Variants in APLF observed in about 807,000 individuals in gnomAD.
The protein encoded by APLF is aprataxin and PNKP like factor.
APLF carries 61 observed loss-of-function variants against 55.6 expected under a neutral mutation model. The observed-to-expected ratio is 1.10, with a 90% CI of 0.89 to 1.36. APLF has a LOEUF of 1.36. Ranked by LOEUF, APLF falls within the 40% of genes most tolerant of loss-of-function variation. The pLI, the probability that APLF is intolerant of heterozygous loss-of-function variation, is 0.00. For synonymous variants in APLF, 207 were observed against 214.8 expected (o/e 0.96, Z 0.32); for missense variants, 611 against 602.5 (o/e 1.01, Z -0.15).
chr2:68,562,299 T>G (rs2104056192), intron 8 of APLF, among the ~76,000 whole-genome samples: 1 of 152,196 alleles, frequency 6.6e-6, no homozygotes, highest in South Asian at 2.1e-4. Context: ...ATGTGTAAGC[T>G]TAATTTAAAA....
In APLF at chr2:68,480,160, C is replaced by T. The variant is rs139499651; in HGVS notation, c.97-10030C>T. Among the ~76,000 whole-genome samples the T allele has an allele frequency of 6.5e-3, 982 of 152,092 alleles. 7 individuals are homozygous for T. Among genetic ancestry groups the T allele is most frequent in the African/African-American group, 0.023 (935 of 41,482 alleles). ...CCTAACCCCCATATTGTTAAAGTAT[C>T]CTGTAAGTTTATTGAATTTGTTTAT... On this transcript the variant is annotated intron_variant, in intron 1 of 9. Transcript: ENST00000303795.
At chr2:68,501,056 T>G (rs540434984) in intron 2 of APLF, among the ~76,000 whole-genome samples, 14 of 152,356 alleles carry the variant, frequency 9.2e-5, no homozygotes, top group Middle Eastern at 3.4e-3. Context: ...ATCTCCATTC[T>G]TATGCAATCT....
At chr2:68,473,719 G>C (rs113431956) in intron 1 of APLF, among the ~76,000 whole-genome samples, 2,065 of 152,220 alleles carry the variant, frequency 0.014, 41 homozygotes, top group African/African-American at 0.046. Context: ...TAATAGATGT[G>C]AGGTAAATCA....
At chr2:68,519,129 A>G in intron 5 of APLF, among the ~76,000 whole-genome samples, 1 of 127,888 alleles carries the variant, frequency 7.8e-6, no homozygotes, top group African/African-American at 3.3e-5. Flanking sequence ...AAAACATATA[A>G]TTTGACATTT....
Position 68,529,172 on chromosome 2 carries a change from C to G in APLF, c.804+2930C>G, listed in dbSNP as rs559100632. ...CACGGGTTTCTTCCTTGAGGGGGGG[C>G]TCCAGACAACAGGAGGCAGGACCCT... On this transcript the variant is annotated intron_variant, in intron 6 of 9. Transcript: ENST00000303795. The surrounding 1 kb of genome is among the most constrained non-coding windows in gnomAD (Gnocchi z 4.4). The G allele has an allele frequency of 7.8e-7, 1 of 1,286,822 alleles. No homozygotes were observed. The highest frequency in any genetic ancestry group is 1.5e-5 in the African/African-American group (1 of 65,746). 79.7% of individuals were successfully genotyped at this position (1,286,822 alleles called of 1,614,324 possible).
intron 5 of APLF, chr2:68,515,683 A>G: frequency 1.0e-6 from 1 of 983,704 alleles, no homozygotes; most frequent in Non-Finnish European, 1.2e-6. Flanking sequence ...CATGTGTACA[A>G]TGTACTTAAA....
At chr2:68,553,138 T>C (rs1670911009) in intron 8 of APLF, among the ~76,000 whole-genome samples, 1 of 152,134 alleles carries the variant, frequency 6.6e-6, no homozygotes, top group Admixed American at 6.6e-5. Context: ...CGACTGTTAG[T>C]CTTGGCTTTC....
chr2:68,483,865 C>A (rs888721199), intron 1 of APLF, among the ~76,000 whole-genome samples: 1 of 152,036 alleles, frequency 6.6e-6, no homozygotes, highest in Middle Eastern at 3.2e-3. Flanking sequence ...ATATATTATA[C>A]CTGTCTATGA....
At chr2:68,549,851 A>G (rs143320436) in intron 8 of APLF, among the ~76,000 whole-genome samples, 175 of 152,324 alleles carry the variant, frequency 1.1e-3, no homozygotes, top group African/African-American at 4.1e-3. Flanking sequence ...AAAAAGCCAT[A>G]AAAGTGGGAA....
intron 5 of APLF, among the ~76,000 whole-genome samples, chr2:68,518,134 A>G (rs1177302489): frequency 6.3e-5 from 8 of 127,526 alleles, no homozygotes; most frequent in Non-Finnish European, 1.3e-4. Flanking sequence ...AATATATATT[A>G]ATATATAATA....
rs114066399 is a variant in APLF at position 68,549,275 on chromosome 2, T to C, written c.1286+3963T>C. ...TGTTGATTGTATTTTCAGGATGTCA[T>C]TAATCACATTTCCTGTATTTCCTAA... On this transcript the variant is annotated intron_variant, in intron 8 of 9. Transcript: ENST00000303795. Among the ~76,000 whole-genome samples the C allele has an allele frequency of 4.5e-3, 685 of 152,220 alleles. 1 individual carries two copies. Among genetic ancestry groups the C allele is most frequent in the Non-Finnish European group, 8.1e-3 (550 of 67,926 alleles).
At chr2:68,520,603 G>C (rs975604009) in intron 5 of APLF, among the ~76,000 whole-genome samples, 1 of 151,676 alleles carries the variant, frequency 6.6e-6, no homozygotes, top group African/African-American at 2.4e-5. Context: ...TCTGTTTGCT[G>C]TGTCAAAGCT....
At chr2:68,555,717 G>A (rs1393544059) in intron 8 of APLF, among the ~76,000 whole-genome samples, 1 of 152,138 alleles carries the variant, frequency 6.6e-6, no homozygotes, top group Non-Finnish European at 1.5e-5. Context: ...TGTTGGTGTG[G>A]ATGTGGTGAA....
chr2:68,507,682 A>G (rs1174671575), intron 3 of APLF, among the ~76,000 whole-genome samples: 1 of 151,966 alleles, frequency 6.6e-6, no homozygotes, highest in Non-Finnish European at 1.5e-5. Flanking sequence ...TGGGTGCTTA[A>G]TAAGTGTTGG....
At chr2:68,495,741 T>C (rs967845429) in intron 2 of APLF, among the ~76,000 whole-genome samples, 4 of 152,252 alleles carry the variant, frequency 2.6e-5, no homozygotes, top group African/African-American at 9.6e-5. Context: ...CCCAGGCTTT[T>C]CCATGCATCC....
At chr2:68,509,545 G>A (rs1303978613) in intron 3 of APLF, among the ~76,000 whole-genome samples, 28 of 152,036 alleles carry the variant, frequency 1.8e-4, no homozygotes, top group East Asian at 1.5e-3. Context: ...TTAGAATGGT[G>A]ATCATTAAAA....
At chr2:68,502,663 T>C in intron 2 of APLF, 68 bp from the exon 3 acceptor site, 1 of 998,174 alleles carries the variant, frequency 1.0e-6, no homozygotes, top group African/African-American at 1.7e-5. Context: ...TTGTTGTAAT[T>C]TTGAGTTACA....
chr2:68,574,889 T>C (rs1175340400), intron 9 of APLF, among the ~76,000 whole-genome samples: 1 of 152,178 alleles, frequency 6.6e-6, no homozygotes, highest in Non-Finnish European at 1.5e-5. Flanking sequence ...CTAAAGATGT[T>C]CAGTAGTTGA....
In APLF at chr2:68,529,894, G is replaced by A. The variant is rs1235060154; in HGVS notation, c.804+3652G>A. ...CAGGGCCAGAACCTGGAAGCAGAGCGCAGGACCAGCCAGATCCCGCCAGGC... is the reference window on the plus strand; with the variant it reads ...CAGGGCCAGAACCTGGAAGCAGAGCACAGGACCAGCCAGATCCCGCCAGGC... On this transcript the variant is annotated intron_variant, in intron 6 of 9. Transcript: ENST00000303795. This position sits in a 1 kb window ranked among gnomAD's most constrained non-coding sequence, Gnocchi z 4.4. 6.6e-6 allele frequency among the ~76,000 whole-genome samples: 1 copy of A among 152,206 alleles called. No individual in the cohort carries two copies. Among genetic ancestry groups the A allele is most frequent in the Non-Finnish European group, 1.5e-5 (1 of 68,022 alleles).
Sources: gnomAD v4.1 joint callset for allele counts (sites outside exome capture counted in the v4.1 genomes callset) on GRCh38, gnomAD v4.1.1 for gene constraint, Gnocchi (gnomAD v3.1) non-coding constraint, MANE v1.5 for transcripts, NCBI Gene and HGNC (gene_info 2026-07-23, HGNC 2026-07-21) for gene names.